The following UST variants were observed in gnomAD, a reference collection of about 807,000 sequenced individuals.
UST encodes the protein uronyl 2-sulfotransferase.
In UST, 21 loss-of-function variants were observed where a neutral mutation model predicts 45.6. The observed-to-expected ratio is 0.46, with a 90% CI of 0.33 to 0.66. The LOEUF (loss-of-function observed/expected upper bound fraction) is 0.66. Ranked by LOEUF, UST falls within the 30% of genes least tolerant of loss-of-function variation. UST has a pLI of 0.02. For synonymous variants in UST, 215 were observed against 200.6 expected (o/e 1.07, Z -0.61); for missense variants, 463 against 512.4 (o/e 0.90, Z 0.93).
intron 3 of UST, among the ~76,000 whole-genome samples, chr6:148,949,425 TA>T (rs1780319082): frequency 1.5e-5 from 1 of 65,886 alleles, no homozygotes; most frequent in Non-Finnish European, 4.0e-5. Context: ...ATAATAATAA[TA>T]ATAATAATAT....
chr6:149,021,607 C>A, intron 7 of UST, 126 bp downstream of exon 7: 1 of 1,129,134 alleles, frequency 8.9e-7, no homozygotes, highest in South Asian at 1.9e-5. Context: ...CAGTTAGTTC[C>A]CTGGGCTTGC....
Position 148,747,649 on chromosome 6 carries a change from C to T in UST, c.219C>T (p.Arg73=). 6.3e-7 allele frequency: 1 copy of T among 1,599,164 alleles called. No homozygotes were observed. The highest frequency in any genetic ancestry group is 8.5e-7 in the Non-Finnish European group (1 of 1,174,412). ...ATCAGCTCAGCGGGGGACCCCCTCG[C>T]TTCCTGCTCGACCTGCGGCAGTACT... The part of the protein sequence containing the change: ...LLYQLSGGPP[R]FLLDLRQYLG... Residue 73 remains arginine (R), a synonymous_variant, in exon 1 of 8, where the codon CGC becomes CGT. Transcript: ENST00000367463.
At chr6:148,968,604 C>T (rs888851104) in intron 5 of UST, among the ~76,000 whole-genome samples, 9 of 152,208 alleles carry the variant, frequency 5.9e-5, no homozygotes, top group Admixed American at 1.3e-4. Flanking sequence ...ATACCTGGCA[C>T]ACAGACCATA....
chr6:148,829,709 T>A (rs1275559487), intron 1 of UST, among the ~76,000 whole-genome samples: 1 of 152,166 alleles, frequency 6.6e-6, no homozygotes, highest in South Asian at 2.1e-4. Context: ...GGGTTCACTT[T>A]TATATATTCA....
chr6:149,007,598 A>G (rs1181196543), intron 5 of UST, among the ~76,000 whole-genome samples: 1 of 130,656 alleles, frequency 7.7e-6, no homozygotes, highest in Non-Finnish European at 1.6e-5. Context: ...TTTTTTTTGT[A>G]TTTTTAGTAG....
chr6:148,941,153 A>G (rs1780117714), intron 2 of UST, 126 bp from the exon 3 acceptor site: 1 of 1,074,504 alleles, frequency 9.3e-7, no homozygotes, highest in Non-Finnish European at 1.4e-6. Context: ...CTTTTTATTA[A>G]TCTGATTATA....
At position 148,850,199 on chromosome 6, in the gene UST, G is replaced by A. The variant is rs115111707; in HGVS notation, c.248-36787G>A. 9.7e-3 allele frequency among the ~76,000 whole-genome samples: 1,481 copies of A among 152,262 alleles called. 20 individuals are homozygous for A. Among genetic ancestry groups the A allele is most frequent in the African/African-American group, 0.034 (1,395 of 41,554 alleles). ...GATACTATTATTATTCCAGTTGTAT[G>A]GAGAGGCACATGAGACACAGAGAAG... On this transcript the variant is annotated intron_variant, in intron 1 of 7. Coordinates refer to ENST00000367463, the MANE Select transcript of UST (RefSeq NM_005715.3).
In UST at chr6:148,804,604, G is replaced by C. The variant is rs181690559; in HGVS notation, c.247+56927G>C. On this transcript the variant is annotated intron_variant, in intron 1 of 7. Transcript: ENST00000367463. ...AGGCTTTCTGGAAGTGTGTTTCAGGGGGGAGAAGTCAAGCTGGAATTTTAT... is the reference window on the plus strand; with the variant it reads ...AGGCTTTCTGGAAGTGTGTTTCAGGCGGGAGAAGTCAAGCTGGAATTTTAT... Among the ~76,000 whole-genome samples the C allele has an allele frequency of 2.8e-3, 433 of 152,246 alleles. 5 individuals are homozygous for C. Among genetic ancestry groups the C allele is most frequent in the Admixed American group, 4.6e-3 (71 of 15,292 alleles).
At chr6:149,037,079 C>T (rs929209820) in intron 7 of UST, among the ~76,000 whole-genome samples, 19 of 151,924 alleles carry the variant, frequency 1.3e-4, no homozygotes, top group Admixed American at 1.2e-3. Context: ...GCACAGATGG[C>T]GGCACAGGCA....
At chr6:148,994,200 G>A (rs1007363275) in intron 5 of UST, among the ~76,000 whole-genome samples, 13 of 151,840 alleles carry the variant, frequency 8.6e-5, no homozygotes, top group African/African-American at 3.1e-4. Context: ...TCGAACTTCT[G>A]GCCTCAAGTG....
intron 1 of UST, among the ~76,000 whole-genome samples, chr6:148,767,433 G>C (rs988256136): frequency 6.6e-6 from 1 of 152,228 alleles, no homozygotes; most frequent in Non-Finnish European, 1.5e-5. Context: ...CTAATGTCAA[G>C]TTTGTTAATA....
chr6:149,067,544 G>A (rs1776749257), intron 7 of UST, among the ~76,000 whole-genome samples: 1 of 152,134 alleles, frequency 6.6e-6, no homozygotes, highest in South Asian at 2.1e-4. Context: ...GAGTGTTCTA[G>A]CAAACATAGG....
At chr6:148,808,119 C>A (rs902281474) in intron 1 of UST, among the ~76,000 whole-genome samples, 1 of 152,084 alleles carries the variant, frequency 6.6e-6, no homozygotes, top group Non-Finnish European at 1.5e-5. Context: ...GCTGGAGTTT[C>A]CATGGGCATT....
chr6:148,917,941 C>A (rs1779620226), intron 2 of UST, among the ~76,000 whole-genome samples: 1 of 152,182 alleles, frequency 6.6e-6, no homozygotes, highest in African/African-American at 2.4e-5. Flanking sequence ...TCTTAAAACT[C>A]TGTCGCTCTT....
chr6:148,889,444 G>A (rs1015775007), intron 2 of UST, among the ~76,000 whole-genome samples: 1 of 152,118 alleles, frequency 6.6e-6, no homozygotes, highest in Admixed American at 6.5e-5. Flanking sequence ...GACAATAGAG[G>A]GGGAAAAGAA....
intron 1 of UST, among the ~76,000 whole-genome samples, chr6:148,864,870 G>T (rs1448852886): frequency 1.3e-5 from 2 of 152,180 alleles, no homozygotes; most frequent in African/African-American, 4.8e-5. Context: ...AGTACACAAT[G>T]CTCAGTATTC....
At chr6:148,751,209 A>C (rs981476959) in intron 1 of UST, among the ~76,000 whole-genome samples, 5 of 152,250 alleles carry the variant, frequency 3.3e-5, no homozygotes, top group African/African-American at 1.2e-4. Flanking sequence ...AGGTACTTTA[A>C]TACTTTAAAG....
At chr6:149,039,004 C>G (rs1016869947) in intron 7 of UST, among the ~76,000 whole-genome samples, 1 of 151,684 alleles carries the variant, frequency 6.6e-6, no homozygotes, top group African/African-American at 2.4e-5. Flanking sequence ...TTGTTGTATA[C>G]ACACACACAC....
rs73591819 is a variant in UST at position 149,043,576 on chromosome 6, G to A, written c.937+22095G>A. Among the ~76,000 whole-genome samples, 1,350 of 152,382 alleles carry A rather than the reference G, an allele frequency of 8.9e-3. 8 individuals carry two copies. The highest frequency in any genetic ancestry group is 0.029 in the African/African-American group (1,214 of 41,590). ...CTTTTCTGAGGGCTGGCCCTACCAC[G>A]GGAGAGGAAGCACTCTGGTGGGAGC... On this transcript the variant is annotated intron_variant, in intron 7 of 7. Coordinates refer to ENST00000367463, the MANE Select transcript of UST (RefSeq NM_005715.3).
Sources: allele counts gnomAD v4.1 joint callset (sites outside exome capture counted in the v4.1 genomes callset), GRCh38; gene constraint gnomAD v4.1.1; transcripts MANE v1.5; gene names NCBI Gene and HGNC (gene_info 2026-07-23, HGNC 2026-07-21).